The following CBX1 variants were observed in gnomAD, a reference collection of about 807,000 sequenced individuals.
CBX1 encodes chromobox 1.
A neutral mutation model predicts 25.1 loss-of-function variants in CBX1; 10 were observed. The observed-to-expected ratio is 0.40, with a 90% CI of 0.25 to 0.68. The LOEUF (loss-of-function observed/expected upper bound fraction) is 0.68. CBX1 is among the 30% of genes least tolerant of loss of function. The pLI, the probability that CBX1 is intolerant of heterozygous loss-of-function variation, is 0.40. For missense variants in CBX1, 106 were observed against 218.5 expected (o/e 0.49, Z 3.25); for synonymous variants, 63 against 79.4 (o/e 0.79, Z 1.10).
intron 1 of CBX1, among the ~76,000 whole-genome samples, chr17:48,082,362 T>C (rs1025595665): frequency 1.0e-3 from 153 of 151,082 alleles, no homozygotes; most frequent in African/African-American, 3.7e-3. Flanking sequence ...ATTAGCTGGG[T>C]GTGATGGCGG....
At chr17:48,078,798 T>TTTTTTTTTG (rs2037702795) in intron 1 of CBX1, among the ~76,000 whole-genome samples, 1 of 136,460 alleles carries the variant, frequency 7.3e-6, no homozygotes, top group African/African-American at 2.9e-5. Context: ...TTTTTTTTTT[T>TTTTTTTTTG]TTTTTTTTTT....
At chr17:48,101,166 C>G (rs1194278728) in intron 1 of CBX1, 102 bp downstream of exon 1, 2 of 987,058 alleles carry the variant, frequency 2.0e-6, no homozygotes, top group Non-Finnish European at 1.2e-6. Flanking sequence ...GCTCCCCGCT[C>G]CTAACCTCCG....
chr17:48,088,172 G>C (rs987813472), intron 1 of CBX1: 1 of 151,282 alleles, frequency 6.6e-6, no homozygotes. Context: ...TTACCTGGGC[G>C]TGGTGGCAGG....
At chr17:48,074,562 T>C (rs888496133) in intron 4 of CBX1, among the ~76,000 whole-genome samples, 6 of 152,196 alleles carry the variant, frequency 3.9e-5, no homozygotes, top group Middle Eastern at 3.4e-3. Context: ...TCTGCACAAA[T>C]TGAAAGGGAT....
Position 48,087,223 on chromosome 17 carries a change from G to A in CBX1, c.-37-10182C>T, listed in dbSNP as rs112977266. On this transcript the variant is annotated intron_variant, in intron 1 of 4. Transcript: ENST00000225603. Reference sequence around the variant, plus strand: ...AAAAGAAAAGAATTCAGAGGAAAGCGAACTCTGAGTCAAGAACCTTCACCT... The same window carrying A: ...AAAAGAAAAGAATTCAGAGGAAAGCAAACTCTGAGTCAAGAACCTTCACCT... Among the ~76,000 whole-genome samples, 495 of 148,730 alleles carry A rather than the reference G, an allele frequency of 3.3e-3. 7 individuals are homozygous for A. Among genetic ancestry groups the A allele is most frequent in the African/African-American group, 0.012 (481 of 40,464 alleles).
chr17:48,090,002 C>G (rs1297114897), intron 1 of CBX1, among the ~76,000 whole-genome samples: 4 of 151,006 alleles, frequency 2.6e-5, no homozygotes, highest in Non-Finnish European at 4.4e-5. Context: ...CTCACTGCAA[C>G]CTCCGCCTCC....
intron 4 of CBX1, among the ~76,000 whole-genome samples, chr17:48,072,934 C>T (rs1361438142): frequency 6.6e-6 from 1 of 151,950 alleles, no homozygotes; most frequent in East Asian, 1.9e-4. Context: ...CCAGCCTGGT[C>T]AACATGGCAA....
intron 3 of CBX1, 68 bp from the exon 4 acceptor site, chr17:48,075,168 T>C (rs1008533199): frequency 5.9e-6 from 6 of 1,009,010 alleles, no homozygotes; most frequent in Admixed American, 1.9e-5. Flanking sequence ...GAACCATTCC[T>C]GTGTCTCTGA....
rs188178118 is a variant in CBX1, at chr17:48,087,250, T to C, written c.-37-10209A>G. Among the ~76,000 whole-genome samples the C allele has an allele frequency of 4.7e-5, 7 of 149,524 alleles. No individual in the cohort carries two copies. In the East Asian group the frequency reaches 1.4e-3, roughly 30 times the overall value. Reference sequence around the variant, plus strand: ...ACTCTGAGTCAAGAACCTTCACCTCTATGAGAATCAGAATCACCTATGGAG... The same window carrying C: ...ACTCTGAGTCAAGAACCTTCACCTCCATGAGAATCAGAATCACCTATGGAG... On this transcript the variant is annotated intron_variant, in intron 1 of 4. Transcript: ENST00000225603.
At chr17:48,096,636 A>G (rs574371250) in intron 1 of CBX1, among the ~76,000 whole-genome samples, 32 of 152,144 alleles carry the variant, frequency 2.1e-4, no homozygotes, top group Non-Finnish European at 4.1e-4. Context: ...TTAGCTGGGC[A>G]TGGTGGTGTG....
intron 1 of CBX1, among the ~76,000 whole-genome samples, chr17:48,079,798 A>G (rs182859581): frequency 5.9e-5 from 9 of 152,232 alleles, no homozygotes; most frequent in African/African-American, 1.9e-4. Flanking sequence ...CCTCCAATTT[A>G]TTTCTAAAAA....
Position 48,085,759 on chromosome 17 carries a change from A to C in CBX1, c.-37-8718T>G, listed in dbSNP as rs534387624. Among the ~76,000 whole-genome samples, 17 of 152,258 alleles carry C rather than the reference A, an allele frequency of 1.1e-4. No individual in the cohort carries two copies. In the South Asian group the frequency reaches 3.3e-3, roughly 30 times the overall value. Reference sequence around the variant, plus strand: ...AAGCAGACTAGAGAGAGAACTACTGAGAAAATGTCAATTTTAAGAAACCAG... The same window carrying C: ...AAGCAGACTAGAGAGAGAACTACTGCGAAAATGTCAATTTTAAGAAACCAG... On this transcript the variant is annotated intron_variant, in intron 1 of 4. Coordinates refer to ENST00000225603, the MANE Select transcript of CBX1 (RefSeq NM_001127228.2).
At chr17:48,093,138 C>T (rs1457156508) in intron 1 of CBX1, among the ~76,000 whole-genome samples, 3 of 144,982 alleles carry the variant, frequency 2.1e-5, no homozygotes, top group South Asian at 2.2e-4. Context: ...TGATGGCAGG[C>T]GCCTGTAATC....
intron 1 of CBX1, among the ~76,000 whole-genome samples, chr17:48,099,758 T>C (rs2063397536): frequency 6.6e-6 from 1 of 152,158 alleles, no homozygotes; most frequent in East Asian, 1.9e-4. Context: ...TAGCTGAACT[T>C]TTTGTAAATT....
chr17:48,090,361 TTAAA>T (rs1422521339), intron 1 of CBX1, among the ~76,000 whole-genome samples: 1 of 152,136 alleles, frequency 6.6e-6, no homozygotes, highest in Non-Finnish European at 1.5e-5. Flanking sequence ...AATCACCCAA[TTAAA>T]TAAACAGTCT....
chr17:48,085,491 G>C (rs2063307381), intron 1 of CBX1, among the ~76,000 whole-genome samples: 1 of 151,544 alleles, frequency 6.6e-6, no homozygotes, highest in African/African-American at 2.4e-5. Context: ...CCTACAATTT[G>C]TCACTGGTAA....
At chr17:48,074,077 G>T (rs995542487) in intron 4 of CBX1, among the ~76,000 whole-genome samples, 1 of 152,158 alleles carries the variant, frequency 6.6e-6, no homozygotes, top group Non-Finnish European at 1.5e-5. Context: ...ATACATAGAA[G>T]AGAATAGGTT....
chr17:48,087,477 G>A (rs562518433), intron 1 of CBX1, among the ~76,000 whole-genome samples: 7 of 152,072 alleles, frequency 4.6e-5, no homozygotes, highest in African/African-American at 1.7e-4. Context: ...AGGAGGCTGA[G>A]GCAGGAGAAT....
chr17:48,070,983 CT>C lies in CBX1; in HGVS notation c.*451del, dbSNP rs1268981561. The C allele has an allele frequency of 6.5e-6, 1 of 152,690 alleles. No individual in the cohort carries two copies. The highest frequency in any genetic ancestry group is 2.4e-5 in the African/African-American group (1 of 41,426). 9.5% of individuals were successfully genotyped at this position (152,690 alleles called of 1,614,324 possible). A position where few individuals can be genotyped will look rare whatever the true frequency, so the allele number is the denominator to read the frequency against. ...GATGCTACCCATCTCCCTTTCTCCC[CT>C]CCCCATCCCTCCCTCCCCCAAATAA... On this transcript the variant is annotated 3_prime_UTR_variant, in exon 5 of 5. Coordinates refer to ENST00000225603, the MANE Select transcript of CBX1 (RefSeq NM_001127228.2).
Sources: allele counts gnomAD v4.1 joint callset (sites outside exome capture counted in the v4.1 genomes callset), GRCh38; gene constraint gnomAD v4.1.1; transcripts MANE v1.5; gene names NCBI Gene and HGNC (gene_info 2026-07-23, HGNC 2026-07-21).